PHYKPL: variants seen among roughly 807,000 people sequenced by gnomAD.
The protein encoded by PHYKPL is 5-phosphohydroxy-L-lysine phospho-lyase, also known as 5-phosphonooxy-L-lysine phospho-lyase.
PHYKPL carries 42 observed loss-of-function variants against 51.3 expected under a neutral mutation model. That is an observed-to-expected ratio of 0.82 (90% CI 0.64 to 1.06). The LOEUF (loss-of-function observed/expected upper bound fraction) is 1.06. PHYKPL is among the 50% of genes least tolerant of loss of function. The probability of loss-of-function intolerance (pLI) is 0.00; values close to 1 mark genes in which losing one functional copy is unlikely to be tolerated. For synonymous variants in PHYKPL, 264 were observed against 236.0 expected (o/e 1.12, Z -1.09); for missense variants, 655 against 586.6 (o/e 1.12, Z -1.20).
intron 3 of PHYKPL, chr5:178,228,452 A>G: frequency 1.5e-6 from 1 of 688,888 alleles, no homozygotes; most frequent in South Asian, 1.5e-5. Context: ...CACACAGAAT[A>G]AAGCTGGTGG....
At chr5:178,209,998 C>A in intron 12 of PHYKPL, 1 of 1,276,190 alleles carries the variant, frequency 7.8e-7, no homozygotes, top group Admixed American at 2.5e-5. Flanking sequence ...CCTTATACAC[C>A]AGAACAGCAG....
downstream of PHYKPL, chr5:178,207,230 GGTGTTCCCAGCTCTGCTTGGCCTCCT>G (rs754835605): frequency 6.8e-5 from 109 of 1,614,054 alleles, 1 homozygote; most frequent in South Asian, 1.0e-3. Flanking sequence ...AGCAAGGTAA[GGTGTTCCCAGCTCTGCTTGGCCTCCT>G]GTGCTGCTGG....
chr5:178,223,585 A>AAT, intron 6 of PHYKPL: 1 of 421,494 alleles, frequency 2.4e-6, no homozygotes, highest in South Asian at 1.7e-5. Context: ...AATCAGAGCA[A>AAT]TCTCCTTTTT....
intron 1 of PHYKPL, 194 bp downstream of exon 1, chr5:178,232,298 C>T (rs543718136): frequency 4.0e-6 from 5 of 1,253,802 alleles, no homozygotes; most frequent in African/African-American, 1.6e-5. Context: ...GACCACCCGC[C>T]GGGACTGCCC....
intron 3 of PHYKPL, chr5:178,228,622 A>G (rs1762757558): frequency 1.4e-6 from 1 of 702,406 alleles, no homozygotes; most frequent in South Asian, 1.5e-5. Context: ...TCCACTTCCT[A>G]GAAATTATCT....
chr5:178,212,297 C>A (rs575367709), intron 11 of PHYKPL, among the ~76,000 whole-genome samples: 1 of 152,306 alleles, frequency 6.6e-6, no homozygotes, highest in South Asian at 2.1e-4. Context: ...GCTCCAGAGC[C>A]CTGGGATTAA....
At chr5:178,224,361 C>T (rs1327514951) in intron 6 of PHYKPL, 87 bp downstream of exon 6, 1 of 1,382,570 alleles carries the variant, frequency 7.2e-7, no homozygotes, top group South Asian at 1.4e-5. Flanking sequence ...GGTTTTCTCT[C>T]TGGGTTCCCA....
At chr5:178,210,256 C>T in intron 12 of PHYKPL, 1 of 1,613,876 alleles carries the variant, frequency 6.2e-7, no homozygotes, top group Non-Finnish European at 8.5e-7. Context: ...ACGGCTACGG[C>T]CCCGGCTACG....
chr5:178,220,732 A>AC (rs1554110834), intron 8 of PHYKPL, among the ~76,000 whole-genome samples: 8 of 80,152 alleles, frequency 1.0e-4, no homozygotes, highest in South Asian at 3.9e-4. Context: ...AAAAAAAAAA[A>AC]AAAAACAAAA....
intron 9 of PHYKPL, 123 bp downstream of exon 9, chr5:178,215,151 TCA>T: frequency 6.8e-7 from 1 of 1,480,618 alleles, no homozygotes; most frequent in Non-Finnish European, 9.3e-7. Flanking sequence ...ATAGCACCTC[TCA>T]GTGTCTCAGT....
At chr5:178,210,786 C>T (rs968756173) in intron 12 of PHYKPL, 1 of 654,808 alleles carries the variant, frequency 1.5e-6, no homozygotes, top group Non-Finnish European at 2.8e-6. Flanking sequence ...TTGACTATTT[C>T]CAGAGCTCTA....
rs769613876 is a variant in PHYKPL, at chr5:178,225,388, T to C, written c.380A>G (p.Tyr127Cys). The C allele has an allele frequency of 4.8e-5, 78 of 1,613,796 alleles. No individual in the cohort carries two copies. The highest frequency in any genetic ancestry group is 6.5e-5 in the Non-Finnish European group (77 of 1,180,040). ...NDLALRLARHYTGHQDVVVLD... is the reference protein window; with the variant it reads ...NDLALRLARHCTGHQDVVVLD... ...TACCACCACGTCCTGGTGTCCCGTG[T>C]AGTGGCGAGCCAGCCTCAGGGCCAG... Residue 127 changes from tyrosine to cysteine, a missense_variant, in exon 4 of 13, where the codon TAC becomes TGC. Physicochemically the swap from Tyr to Cys is radical, Grantham distance 194. Transcript: ENST00000308158.
chr5:178,216,642 A>C (rs1310050362), intron 8 of PHYKPL: 1 of 152,282 alleles, frequency 6.6e-6, no homozygotes, highest in Non-Finnish European at 1.5e-5. Context: ...ACATGCAAAG[A>C]AGCATGGCCC....
At chr5:178,231,119 C>T (rs898706508) in intron 2 of PHYKPL, among the ~76,000 whole-genome samples, 1 of 152,214 alleles carries the variant, frequency 6.6e-6, no homozygotes, top group South Asian at 2.1e-4. Context: ...CACTGTGCTA[C>T]GTTGCTGGTC....
chr5:178,215,007 G>T, intron 9 of PHYKPL, 122 bp from the exon 10 acceptor site: 1 of 914,658 alleles, frequency 1.1e-6, no homozygotes. Flanking sequence ...ACCTTCAGAA[G>T]GTGGTGAGAA....
At chr5:178,228,667 A>G (rs1031420884) in intron 3 of PHYKPL, 8 of 699,326 alleles carry the variant, frequency 1.1e-5, no homozygotes, top group African/African-American at 3.5e-5. Context: ...GAGTGGCCAC[A>G]GTAATCATCA....
chr5:178,225,502 AG>A, intron 3 of PHYKPL, 73 bp from the exon 4 acceptor site: 1 of 1,452,966 alleles, frequency 6.9e-7, no homozygotes, highest in Non-Finnish European at 9.6e-7. Flanking sequence ...TGAGGGCAGG[AG>A]GACCCTTCCA....
chr5:178,228,340 C>T (rs1762689076), intron 3 of PHYKPL: 1 of 573,400 alleles, frequency 1.7e-6, no homozygotes, highest in Non-Finnish European at 3.1e-6. Context: ...AGATGACAGA[C>T]CACTTCCGGA....
intron 8 of PHYKPL, among the ~76,000 whole-genome samples, chr5:178,219,255 G>C (rs1229930340): frequency 6.6e-6 from 1 of 152,014 alleles, no homozygotes; most frequent in Non-Finnish European, 1.5e-5. Context: ...GTGAAGACAG[G>C]TTATAAACTG....
Sources: allele counts gnomAD v4.1 joint callset (sites outside exome capture counted in the v4.1 genomes callset), GRCh38; gene constraint gnomAD v4.1.1; transcripts MANE v1.5; gene names NCBI Gene and HGNC (gene_info 2026-07-23, HGNC 2026-07-21).